The following C1D variants were observed in gnomAD, a reference collection of about 807,000 sequenced individuals.
The protein encoded by C1D is C1D nuclear receptor corepressor.
In C1D, 10 loss-of-function variants were observed where a neutral mutation model predicts 17.5. That is an observed-to-expected ratio of 0.57 (90% CI 0.35 to 0.97). C1D has a LOEUF of 0.97. Ranked by LOEUF, C1D falls within the 50% of genes least tolerant of loss-of-function variation. The pLI, the probability that C1D is intolerant of heterozygous loss-of-function variation, is 0.01. For missense variants in C1D, 136 were observed against 160.1 expected, an observed-to-expected ratio of 0.85 and a Z score of 0.81; for synonymous variants, 49 against 54.0, an observed-to-expected ratio of 0.91 and a Z score of 0.40.
rs781548875 is a variant in C1D at position 68,046,415 on chromosome 2, TA to T, written c.139-6del. On this transcript the variant is annotated splice_region_variant and splice_polypyrimidine_tract_variant and intron_variant, in intron 2 of 4. Coordinates refer to ENST00000410067, the MANE Select transcript of C1D (RefSeq NM_173177.3). The stretch of plus-strand genomic sequence containing the variant: ...TGCTTGTTCAAGTGGATCCAACTGT[TA>T]AAAAAGAAAGAGAGAGGGAAAGAGA... 1 of 1,602,860 alleles carries T rather than the reference TA, an allele frequency of 6.2e-7. No homozygotes were observed. Among genetic ancestry groups the T allele is most frequent in the Non-Finnish European group, 8.5e-7 (1 of 1,172,162 alleles).
chr2:68,050,420 C>T (rs557659215), intron 1 of C1D, among the ~76,000 whole-genome samples: 1 of 152,248 alleles, frequency 6.6e-6, no homozygotes, highest in East Asian at 1.9e-4. Context: ...TCCTTTCCTT[C>T]CATCCTTTCT....
intron 1 of C1D, among the ~76,000 whole-genome samples, chr2:68,062,131 T>C (rs574484335): frequency 3.9e-5 from 6 of 152,298 alleles, no homozygotes; most frequent in East Asian, 1.9e-4. Flanking sequence ...TTCTTACATA[T>C]TGCATGCCTG....
In C1D at chr2:68,042,964, A is replaced by G; in HGVS notation, c.351T>C (p.Phe117=). Residue 117 remains phenylalanine, a synonymous_variant, in exon 5 of 5, where the codon TTT becomes TTC. Transcript: ENST00000410067. ...GKLDRGAASR[F]VKNALWEPKS... Reference sequence around the variant, plus strand: ...TTGGTTCCCAGAGGGCATTTTTTACAAATCTTGAAGCTGCACCTCTGTCCA... The same window carrying G: ...TTGGTTCCCAGAGGGCATTTTTTACGAATCTTGAAGCTGCACCTCTGTCCA... The G allele has an allele frequency of 6.2e-7, 1 of 1,611,076 alleles. No individual in the cohort carries two copies. Among genetic ancestry groups the G allele is most frequent in the Non-Finnish European group, 8.5e-7 (1 of 1,178,348 alleles).
At chr2:68,060,849 T>C (rs1168522300) in intron 1 of C1D, among the ~76,000 whole-genome samples, 2 of 152,332 alleles carry the variant, frequency 1.3e-5, no homozygotes, top group East Asian at 1.9e-4. Flanking sequence ...TCGAGGCACA[T>C]TTTGAACTCC....
At chr2:68,060,662 G>A (rs1388772510) in intron 1 of C1D, among the ~76,000 whole-genome samples, 3 of 151,078 alleles carry the variant, frequency 2.0e-5, no homozygotes, top group Non-Finnish European at 4.4e-5. Flanking sequence ...GCGAGATGGG[G>A]TGGGGCAGGG....
Position 68,041,646 on chromosome 2 carries a change from A to G in C1D, c.*1243T>C, listed in dbSNP as rs933655788. ...ATAGAAAGAGTTCAACATGCTTTAC[A>G]AAATCCATTACATTTTAAGACCATT... On this transcript the variant is annotated 3_prime_UTR_variant, in exon 5 of 5. Coordinates refer to ENST00000410067, the MANE Select transcript of C1D (RefSeq NM_173177.3). The G allele has an allele frequency of 3.9e-5, 6 of 152,094 alleles. No homozygotes were observed. The highest frequency in any genetic ancestry group is 1.2e-4 in the African/African-American group (5 of 41,472). The allele number at this position is 152,094 out of a possible 1,614,324, so 9.4% of individuals were successfully genotyped here. A position where few individuals can be genotyped will look rare whatever the true frequency, so the allele number is the denominator to read the frequency against.
In C1D at chr2:68,042,031, G is replaced by C. The variant is rs1240566992; in HGVS notation, c.*858C>G. On this transcript the variant is annotated 3_prime_UTR_variant, in exon 5 of 5. Transcript: ENST00000410067. Reference sequence around the variant, plus strand: ...AAAACACTTGTATGTACTTGATACAGCCTCAAAAACATGAAATAAAAAAAA... The same window carrying C: ...AAAACACTTGTATGTACTTGATACACCCTCAAAAACATGAAATAAAAAAAA... 1 of 151,720 alleles carries C rather than the reference G, an allele frequency of 6.6e-6. No individual in the cohort carries two copies. Among genetic ancestry groups the C allele is most frequent in the Non-Finnish European group, 1.5e-5 (1 of 67,860 alleles). The allele number at this position is 151,720 out of a possible 1,614,324, so 9.4% of individuals were successfully genotyped here. A position where few individuals can be genotyped will look rare whatever the true frequency, so the allele number is the denominator to read the frequency against.
At position 68,045,648 on chromosome 2, in the gene C1D, A is replaced by G. The variant is rs558151948; in HGVS notation, c.261+340T>C. ...GAAACTTTCCCGTCTTTGCTAGTAAATCAACTAGAATATACTTTTAAGAAC... is the reference window on the plus strand; with the variant it reads ...GAAACTTTCCCGTCTTTGCTAGTAAGTCAACTAGAATATACTTTTAAGAAC... On this transcript the variant is annotated intron_variant, in intron 4 of 4. Coordinates refer to ENST00000410067, the MANE Select transcript of C1D (RefSeq NM_173177.3). 7.2e-5 allele frequency among the ~76,000 whole-genome samples: 11 copies of G among 152,262 alleles called. No homozygotes were observed. The South Asian group carries it at 2.1e-3, about 29-fold the overall frequency.
intron 1 of C1D, among the ~76,000 whole-genome samples, chr2:68,050,288 C>T (rs1260324892): frequency 6.6e-6 from 1 of 151,166 alleles, no homozygotes; most frequent in Non-Finnish European, 1.5e-5. Context: ...ATTTCTCCAT[C>T]TAAGAAAGAA....
intron 1 of C1D, among the ~76,000 whole-genome samples, chr2:68,049,298 A>G (rs1671217296): frequency 6.6e-6 from 1 of 152,186 alleles, no homozygotes; most frequent in Non-Finnish European, 1.5e-5. Context: ...AATAACTCCA[A>G]GAACAGAGCC....
chr2:68,057,693 G>C (rs1469230800), intron 1 of C1D, among the ~76,000 whole-genome samples: 1 of 151,992 alleles, frequency 6.6e-6, no homozygotes, highest in African/African-American at 2.4e-5. Context: ...TAAAAACTTC[G>C]ATCATCTCAA....
At chr2:68,052,640 T>A (rs190338882) in intron 1 of C1D, among the ~76,000 whole-genome samples, 1 of 152,266 alleles carries the variant, frequency 6.6e-6, no homozygotes, top group East Asian at 1.9e-4. Flanking sequence ...TGGTAGTAAG[T>A]AAGAATAACT....
At chr2:68,051,390 G>A (rs1006128403) in intron 1 of C1D, among the ~76,000 whole-genome samples, 6 of 152,100 alleles carry the variant, frequency 3.9e-5, no homozygotes, top group Non-Finnish European at 8.8e-5. Context: ...GGGTGCAGTG[G>A]CTTATGCCTG....
At chr2:68,056,421 A>G (rs1671438296) in intron 1 of C1D, among the ~76,000 whole-genome samples, 1 of 152,168 alleles carries the variant, frequency 6.6e-6, no homozygotes, top group Non-Finnish European at 1.5e-5. Flanking sequence ...CTTTAAAAAA[A>G]AAATCCTAAT....
At chr2:68,056,894 T>C (rs988181573) in intron 1 of C1D, among the ~76,000 whole-genome samples, 4 of 152,222 alleles carry the variant, frequency 2.6e-5, no homozygotes, top group African/African-American at 4.8e-5. Flanking sequence ...TGCTTTGACC[T>C]AGCAATTTTA....
At chr2:68,055,753 T>C (rs1023660609) in intron 1 of C1D, among the ~76,000 whole-genome samples, 2 of 152,202 alleles carry the variant, frequency 1.3e-5, no homozygotes, top group Non-Finnish European at 1.5e-5. Context: ...GGTAAAATTA[T>C]GTAACATTTT....
chr2:68,061,984 TTTCTCTGTAC>T (rs1671643613), intron 1 of C1D, among the ~76,000 whole-genome samples: 1 of 152,188 alleles, frequency 6.6e-6, no homozygotes, highest in Non-Finnish European at 1.5e-5. Context: ...AACACAAACA[TTTCTCTGTAC>T]TTCAATAGGG....
intron 3 of C1D, 91 bp from the exon 4 acceptor site, chr2:68,046,134 A>C (rs1169385193): frequency 1.0e-6 from 1 of 962,450 alleles, no homozygotes; most frequent in African/African-American, 1.7e-5. Context: ...AAAAAAGGAA[A>C]GTCCTACAAA....
chr2:68,046,861 A>G (rs916014005), intron 2 of C1D, among the ~76,000 whole-genome samples: 6 of 152,180 alleles, frequency 3.9e-5, no homozygotes, highest in African/African-American at 1.4e-4. Context: ...TTTTTGTCCT[A>G]TAGGGTTTCC....
Sources: gnomAD v4.1 joint callset for allele counts (sites outside exome capture counted in the v4.1 genomes callset) on GRCh38, gnomAD v4.1.1 for gene constraint, MANE v1.5 for transcripts, NCBI Gene and HGNC (gene_info 2026-07-23, HGNC 2026-07-21) for gene names.